DENND1A: variants seen among roughly 807,000 people sequenced by gnomAD.
DENND1A encodes DENN domain-containing protein 1A.
Under a neutral mutation model 113.7 loss-of-function variants are expected in DENND1A, and 51 were observed. The observed-to-expected ratio is 0.45, with a 90% CI of 0.36 to 0.57. The LOEUF is 0.57. Among genes scored for constraint, DENND1A ranks in the 20% least tolerant of loss-of-function variants. DENND1A has a pLI of 0.00. For synonymous variants in DENND1A, 565 were observed against 570.8 expected (o/e 0.99, Z 0.14); for missense variants, 1,258 against 1,395.9 (o/e 0.90, Z 1.57).
At chr9:123,850,166 A>G (rs1843129727) in intron 2 of DENND1A, among the ~76,000 whole-genome samples, 1 of 152,212 alleles carries the variant, frequency 6.6e-6, no homozygotes, top group African/African-American at 2.4e-5. Context: ...GTAAAATGCT[A>G]TTAAAGAGCA....
chr9:123,895,772 A>G (rs1031012889), intron 1 of DENND1A, among the ~76,000 whole-genome samples: 1 of 152,204 alleles, frequency 6.6e-6, no homozygotes, highest in Non-Finnish European at 1.5e-5. Flanking sequence ...CTCCCAATCT[A>G]AGGGGCTCAA....
intron 13 of DENND1A, among the ~76,000 whole-genome samples, chr9:123,540,720 G>A (rs1338342166): frequency 6.6e-6 from 1 of 152,194 alleles, no homozygotes. Flanking sequence ...ACAGCTACAT[G>A]CTGCTGACAG....
In DENND1A at chr9:123,457,389, C is replaced by A. The variant is rs373336688; in HGVS notation, c.1145G>T (p.Ser382Ile). The stretch of plus-strand genomic sequence containing the variant: ...GTTGATTTCCTCTTCAAAAACATCA[C>A]TGAAACCTTCGCCGGAATTGAGAAG... The part of the protein sequence containing the change: ...LDLLNSGEGF[S>I]DVFEEEINMG... Residue 382 changes from serine to isoleucine, a missense_variant, in exon 15 of 24, where the codon AGT becomes ATT. Coordinates refer to ENST00000394215, the MANE Select transcript of DENND1A (RefSeq NM_001352964.2). The A allele has an allele frequency of 3.2e-5, 52 of 1,614,162 alleles. No individual in the cohort carries two copies. Among genetic ancestry groups the A allele is most frequent in the Non-Finnish European group, 4.2e-5 (49 of 1,180,018 alleles).
At chr9:123,681,276 A>G (rs1224177066) in intron 5 of DENND1A, among the ~76,000 whole-genome samples, 4 of 121,042 alleles carry the variant, frequency 3.3e-5, no homozygotes, top group African/African-American at 1.2e-4. Context: ...AGGCAGTTCA[A>G]TGTGGGATGT....
chr9:123,514,985 G>A (rs1166147092), intron 13 of DENND1A, among the ~76,000 whole-genome samples: 2 of 152,226 alleles, frequency 1.3e-5, no homozygotes, highest in Non-Finnish European at 2.9e-5. Flanking sequence ...ATACGGTCAT[G>A]TGTTAACAGT....
chr9:123,644,874 G>A (rs899279954), intron 9 of DENND1A, among the ~76,000 whole-genome samples: 2 of 152,112 alleles, frequency 1.3e-5, no homozygotes, highest in Non-Finnish European at 2.9e-5. Flanking sequence ...GAATGCTGAT[G>A]GAATTGTATT....
chr9:123,432,553 T>A (rs2046214706), intron 19 of DENND1A, among the ~76,000 whole-genome samples: 1 of 151,884 alleles, frequency 6.6e-6, no homozygotes, highest in African/African-American at 2.4e-5. Flanking sequence ...AGTGGGGAGA[T>A]CACCACCGTA....
chr9:123,471,247 C>A (rs1048600929), intron 13 of DENND1A, among the ~76,000 whole-genome samples: 3 of 152,176 alleles, frequency 2.0e-5, no homozygotes, highest in African/African-American at 7.2e-5. Context: ...CTTAACATGT[C>A]TGGAACGTGG....
intron 1 of DENND1A, among the ~76,000 whole-genome samples, chr9:123,893,743 T>C (rs1227018156): frequency 2.0e-5 from 3 of 152,218 alleles, no homozygotes; most frequent in Non-Finnish European, 4.4e-5. Flanking sequence ...GACAAATATC[T>C]AGTAAGTGGC....
chr9:123,575,682 C>T (rs994353488), intron 12 of DENND1A, among the ~76,000 whole-genome samples: 9 of 152,148 alleles, frequency 5.9e-5, no homozygotes, highest in Non-Finnish European at 8.8e-5. Context: ...ACATTCTAGC[C>T]CACACCCAAG....
chr9:123,442,992 G>T (rs956925500), intron 18 of DENND1A, among the ~76,000 whole-genome samples: 2 of 152,206 alleles, frequency 1.3e-5, no homozygotes, highest in African/African-American at 4.8e-5. Flanking sequence ...GAGTTTCCCT[G>T]TGTGGACGGC....
intron 12 of DENND1A, among the ~76,000 whole-genome samples, chr9:123,560,941 G>A (rs2057716924): frequency 6.6e-6 from 1 of 152,106 alleles, no homozygotes; most frequent in South Asian, 2.1e-4. Context: ...GGCTGACTCT[G>A]CCATGGACTT....
intron 13 of DENND1A, among the ~76,000 whole-genome samples, chr9:123,494,186 C>A (rs1305434632): frequency 6.6e-6 from 1 of 152,200 alleles, no homozygotes; most frequent in East Asian, 1.9e-4. Context: ...AAAGATGAGG[C>A]TGGATGGCCT....
At chr9:123,581,905 C>T (rs529562750) in intron 12 of DENND1A, among the ~76,000 whole-genome samples, 11 of 152,200 alleles carry the variant, frequency 7.2e-5, no homozygotes, top group Non-Finnish European at 1.5e-4. Flanking sequence ...GCCGGTGAGG[C>T]CCAATCCTCA....
rs745344424 is a variant in DENND1A, at chr9:123,403,440, T to C, written c.1593A>G (p.Ala531=). ...GCACAGACGTCCTCCGGCCTTCCAC[T>C]GCGATGTTGCTCTTTGGTCTCTTAA... ...HVVKRPKSNI[A]VEGRRTSVPS... Residue 531 remains alanine (A), a synonymous_variant, in exon 21 of 24, where the codon GCA becomes GCG. Transcript: ENST00000394215. 2 of 1,614,040 alleles carry C rather than the reference T, an allele frequency of 1.2e-6. No homozygotes were observed. The highest frequency in any genetic ancestry group is 1.3e-5 in the African/African-American group (1 of 74,932).
intron 11 of DENND1A, among the ~76,000 whole-genome samples, chr9:123,608,273 A>G (rs2060259827): frequency 6.6e-6 from 1 of 152,212 alleles, no homozygotes; most frequent in African/African-American, 2.4e-5. Flanking sequence ...TCGATAACCA[A>G]CTTCTTTCAT....
intron 12 of DENND1A, among the ~76,000 whole-genome samples, chr9:123,573,675 G>A (rs550143701): frequency 6.6e-6 from 1 of 152,142 alleles, no homozygotes; most frequent in African/African-American, 2.4e-5. Context: ...TCATTTATGA[G>A]ACTCCTTAGA....
intron 1 of DENND1A, among the ~76,000 whole-genome samples, chr9:123,924,335 A>C (rs531284751): frequency 3.0e-4 from 45 of 152,202 alleles, no homozygotes; most frequent in Non-Finnish European, 5.9e-4. Flanking sequence ...ATTAGTGGTA[A>C]TCAATCACCC....
At chr9:123,386,006 A>C (rs914472739) in intron 22 of DENND1A, among the ~76,000 whole-genome samples, 1 of 152,230 alleles carries the variant, frequency 6.6e-6, no homozygotes. Flanking sequence ...TTCTAAGGTC[A>C]TGGGCTAAGG....
Sources: gnomAD v4.1 joint callset for allele counts (sites outside exome capture counted in the v4.1 genomes callset) on GRCh38, gnomAD v4.1.1 for gene constraint, MANE v1.5 for transcripts, NCBI Gene and HGNC (gene_info 2026-07-23, HGNC 2026-07-21) for gene names.